SNX18: variants seen among roughly 807,000 people sequenced by gnomAD.
SNX18 encodes the protein sorting nexin 18, also known as sorting nexin-18.
Under a neutral mutation model 48.7 loss-of-function variants are expected in SNX18, and 35 were observed. That is an observed-to-expected ratio of 0.72 (90% CI 0.55 to 0.95). SNX18 has a LOEUF of 0.95. SNX18 is among the 40% of genes least tolerant of loss of function. The pLI, the probability that SNX18 is intolerant of heterozygous loss-of-function variation, is 0.00. For missense variants in SNX18, 824 were observed against 871.0 expected, an observed-to-expected ratio of 0.95 and a Z score of 0.68; for synonymous variants, 492 against 384.7, an observed-to-expected ratio of 1.28 and a Z score of -3.26.
At chr5:54,606,914 G>A in the SNX18 span, among the ~76,000 whole-genome samples, 30 of 152,114 alleles carry the variant, frequency 2.0e-4, no homozygotes, top group Non-Finnish European at 3.4e-4. Flanking sequence ...GATACTGACA[G>A]TTCCAACATC....
chr5:54,572,304 C>T, the SNX18 span, among the ~76,000 whole-genome samples: 1 of 152,084 alleles, frequency 6.6e-6, no homozygotes, highest in Non-Finnish European at 1.5e-5. Context: ...CATTTTGTGA[C>T]AGCAGGGATA....
At chr5:54,539,965 G>T (rs1190786099) in intron 1 of SNX18, among the ~76,000 whole-genome samples, 1 of 151,870 alleles carries the variant, frequency 6.6e-6, no homozygotes, top group African/African-American at 2.4e-5. Context: ...TCCGCCTCCC[G>T]GGTTGAAGTG....
At chr5:54,636,154 C>A in the SNX18 span, among the ~76,000 whole-genome samples, 1 of 152,164 alleles carries the variant, frequency 6.6e-6, no homozygotes. Context: ...AGACTCTAGC[C>A]TTCCTAAGCT....
the SNX18 span, among the ~76,000 whole-genome samples, chr5:54,575,770 G>A: frequency 1.3e-5 from 2 of 152,018 alleles, no homozygotes; most frequent in African/African-American, 4.8e-5. Context: ...CCAAAGCCTG[G>A]AAATCAACAA....
chr5:54,625,508 T>C, the SNX18 span, among the ~76,000 whole-genome samples: 1 of 152,142 alleles, frequency 6.6e-6, no homozygotes, highest in Non-Finnish European at 1.5e-5. Context: ...GGCAACTGGC[T>C]TCCCTCAGAG....
At chr5:54,575,368 CTTTTT>C in the SNX18 span, among the ~76,000 whole-genome samples, 9 of 111,724 alleles carry the variant, frequency 8.1e-5, no homozygotes, top group African/African-American at 3.3e-4. Flanking sequence ...CTCCCCACTG[CTTTTT>C]TTTTTTTTTT....
At chr5:54,639,157 A>G in the SNX18 span, among the ~76,000 whole-genome samples, 1 of 152,136 alleles carries the variant, frequency 6.6e-6, no homozygotes, top group Non-Finnish European at 1.5e-5. Flanking sequence ...GACAGTAAAA[A>G]TTTGCCTTCA....
chr5:54,518,957 G>T lies in SNX18; in HGVS notation c.1005G>T (p.Leu335=). 2 of 1,613,724 alleles carry T rather than the reference G, an allele frequency of 1.2e-6. No individual in the cohort carries two copies. Among genetic ancestry groups the T allele is most frequent in the Non-Finnish European group, 1.7e-6 (2 of 1,180,026 alleles). ...EKFPVISVPH[L]PEKQATGRFE... ...TCCCGGTCATCTCCGTGCCCCACCTGCCCGAGAAGCAGGCCACCGGCCGCT... is the reference window on the plus strand; with the variant it reads ...TCCCGGTCATCTCCGTGCCCCACCTTCCCGAGAAGCAGGCCACCGGCCGCT... Residue 335 remains leucine (L), a synonymous_variant, in exon 1 of 2, where the codon CTG becomes CTT. Transcript: ENST00000381410.
the SNX18 span, among the ~76,000 whole-genome samples, chr5:54,632,426 T>C: frequency 6.6e-6 from 1 of 152,216 alleles, no homozygotes; most frequent in Non-Finnish European, 1.5e-5. Flanking sequence ...AAACTGGGCC[T>C]TGCAAACAGA....
In SNX18 at chr5:54,544,428, C is replaced by A. The variant is rs1280156382; in HGVS notation, c.*996C>A. ...TTTTTTGAAAAAAAATGGATCTACACTGTTAACTGATTGAGACTCCACTGT... is the reference window on the plus strand; with the variant it reads ...TTTTTTGAAAAAAAATGGATCTACAATGTTAACTGATTGAGACTCCACTGT... On this transcript the variant is annotated 3_prime_UTR_variant, in exon 2 of 2. Transcript: ENST00000381410. 6.7e-6 allele frequency: 1 copy of A among 150,186 alleles called. No individual in the cohort carries two copies. Among genetic ancestry groups the A allele is most frequent in the Non-Finnish European group, 1.5e-5 (1 of 67,734 alleles). 9.3% of individuals were successfully genotyped at this position (150,186 alleles called of 1,614,324 possible). A position where few individuals can be genotyped will look rare whatever the true frequency, so the allele number is the denominator to read the frequency against.
chr5:54,570,785 G>T, the SNX18 span, among the ~76,000 whole-genome samples: 1 of 152,214 alleles, frequency 6.6e-6, no homozygotes, highest in Non-Finnish European at 1.5e-5. Context: ...TTTTAAGAGA[G>T]TCTTGGCTCT....
chr5:54,579,351 G>A, the SNX18 span, among the ~76,000 whole-genome samples: 104 of 134,008 alleles, frequency 7.8e-4, no homozygotes, highest in South Asian at 7.2e-3. Context: ...AAAAAAAAAA[G>A]AAAAAAAAGT....
the SNX18 span, among the ~76,000 whole-genome samples, chr5:54,564,966 T>C: frequency 6.6e-6 from 1 of 152,222 alleles, no homozygotes; most frequent in Non-Finnish European, 1.5e-5. Context: ...CTTTTCCATC[T>C]TCTTGAGGCT....
chr5:54,550,567 T>G (rs1453824109), downstream of SNX18, among the ~76,000 whole-genome samples: 1 of 152,258 alleles, frequency 6.6e-6, no homozygotes, highest in African/African-American at 2.4e-5. Flanking sequence ...CGAATGTGTT[T>G]GCTTATATAT....
the SNX18 span, among the ~76,000 whole-genome samples, chr5:54,626,043 G>A: frequency 6.6e-6 from 1 of 152,154 alleles, no homozygotes; most frequent in Admixed American, 6.5e-5. Flanking sequence ...CCTATCCCTA[G>A]ATTTTTCTGT....
chr5:54,623,513 T>C, the SNX18 span, among the ~76,000 whole-genome samples: 1 of 151,822 alleles, frequency 6.6e-6, no homozygotes, highest in Non-Finnish European at 1.5e-5. Flanking sequence ...CCAGCCTAGA[T>C]CCAGCATAGA....
the SNX18 span, among the ~76,000 whole-genome samples, chr5:54,640,814 C>G: frequency 6.6e-6 from 1 of 151,952 alleles, no homozygotes; most frequent in East Asian, 1.9e-4. Context: ...AATCCCAGCA[C>G]TTTGGGAGGC....
chr5:54,559,230 A>C, the SNX18 span, among the ~76,000 whole-genome samples: 19 of 152,272 alleles, frequency 1.2e-4, no homozygotes, highest in South Asian at 6.2e-4. Context: ...CTATTTTAAA[A>C]TTCATATGGA....
the SNX18 span, among the ~76,000 whole-genome samples, chr5:54,553,917 C>A: frequency 2.0e-5 from 3 of 152,238 alleles, no homozygotes; most frequent in African/African-American, 4.8e-5. Flanking sequence ...GGTGCTGCTA[C>A]ATGACATTTG....
Sources: allele counts gnomAD v4.1 joint callset (sites outside exome capture counted in the v4.1 genomes callset), GRCh38; gene constraint gnomAD v4.1.1; transcripts MANE v1.5; gene names NCBI Gene and HGNC (gene_info 2026-07-23, HGNC 2026-07-21).